Variants in NDEL1 observed in about 807,000 individuals in gnomAD.
NDEL1 encodes nuclear distribution protein nudE-like 1.
NDEL1 carries 9 observed loss-of-function variants against 45.7 expected under a neutral mutation model. The ratio of observed to expected loss-of-function variants is 0.20; its 90% CI spans 0.12 to 0.34. The LOEUF (loss-of-function observed/expected upper bound fraction) is 0.34, where lower values mean the gene tolerates loss of function less well. Ranked by LOEUF, NDEL1 falls within the 10% of genes least tolerant of loss-of-function variation. The pLI is 1.00. For missense variants in NDEL1, 306 were observed against 406.2 expected (o/e 0.75, Z 2.12); for synonymous variants, 133 against 158.6 (o/e 0.84, Z 1.21).
intron 7 of NDEL1, among the ~76,000 whole-genome samples, chr17:8,455,161 A>G (rs755616289): frequency 6.6e-6 from 1 of 152,180 alleles, no homozygotes. Context: ...GTCCTTGTCT[A>G]GAATACTTTG....
At chr17:8,442,986 A>G (rs1340608507) in intron 1 of NDEL1, among the ~76,000 whole-genome samples, 1 of 151,434 alleles carries the variant, frequency 6.6e-6, no homozygotes, top group Non-Finnish European at 1.5e-5. Flanking sequence ...TCACCGTGTT[A>G]GCCAGGATGG....
rs183526479 is a variant in NDEL1 at position 8,451,742 on chromosome 17, G to T, written c.700+789G>T. ...GAGATTTGTTTAGATTTTGCAGCTC[G>T]TAGTTCATATTTCTGCTACTCTCAT... On this transcript the variant is annotated intron_variant, in intron 6 of 8. Transcript: ENST00000334527. 4.0e-5 allele frequency among the ~76,000 whole-genome samples: 6 copies of T among 151,846 alleles called. No homozygotes were observed. The East Asian group carries it at 1.2e-3, about 29-fold the overall frequency.
At chr17:8,453,258 T>C (rs895773720) in intron 6 of NDEL1, among the ~76,000 whole-genome samples, 2 of 152,126 alleles carry the variant, frequency 1.3e-5, no homozygotes, top group African/African-American at 4.8e-5. Context: ...CTACCTTCAA[T>C]GAGATTATAT....
intron 1 of NDEL1, among the ~76,000 whole-genome samples, chr17:8,438,858 A>G (rs1164581406): frequency 2.0e-5 from 3 of 151,850 alleles, no homozygotes; most frequent in African/African-American, 7.3e-5. Flanking sequence ...GGGTAAAAGT[A>G]GGGCAATAGA....
chr17:8,471,253 C>T (rs904918900), downstream of NDEL1, among the ~76,000 whole-genome samples: 3 of 152,208 alleles, frequency 2.0e-5, no homozygotes, highest in South Asian at 2.1e-4. Flanking sequence ...GAGGTTCAAG[C>T]GATTCTCCTG....
chr17:8,471,184 C>T (rs1184866982), downstream of NDEL1, among the ~76,000 whole-genome samples: 1 of 152,188 alleles, frequency 6.6e-6, no homozygotes, highest in African/African-American at 2.4e-5. Context: ...GATTTTCGCT[C>T]TTGTTGCCCA....
intron 7 of NDEL1, among the ~76,000 whole-genome samples, chr17:8,459,707 A>G (rs931002849): frequency 2.0e-5 from 3 of 152,222 alleles, no homozygotes; most frequent in Non-Finnish European, 2.9e-5. Context: ...GATAGGGTCA[A>G]GAGACCTGGG....
At chr17:8,435,554 A>G (rs1909227597), upstream of NDEL1, among the ~76,000 whole-genome samples, 1 of 152,262 alleles carries the variant, frequency 6.6e-6, no homozygotes, top group South Asian at 2.1e-4. Context: ...GATTCATTTT[A>G]TAAACGGGAA....
At chr17:8,451,686 A>C (rs1191830449) in intron 6 of NDEL1, among the ~76,000 whole-genome samples, 1 of 152,132 alleles carries the variant, frequency 6.6e-6, no homozygotes, top group Non-Finnish European at 1.5e-5. Context: ...ACTAGATAGA[A>C]CCTTAAAATG....
upstream of NDEL1, among the ~76,000 whole-genome samples, chr17:8,432,318 T>TATATAAATATATA (rs1491329750): frequency 1.8e-5 from 1 of 55,558 alleles, no homozygotes; most frequent in South Asian, 6.0e-4. Context: ...TATATATATA[T>TATATAAATATATA]TTATATATAA....
intron 7 of NDEL1, among the ~76,000 whole-genome samples, chr17:8,457,147 C>G (rs538328828): frequency 6.6e-6 from 1 of 152,216 alleles, no homozygotes; most frequent in Admixed American, 6.5e-5. Flanking sequence ...CCTAGCATTT[C>G]TGTTTCCCCT....
intron 3 of NDEL1, 39 bp downstream of exon 3, chr17:8,445,903 G>GT (rs1910051489): frequency 7.2e-7 from 1 of 1,380,030 alleles, no homozygotes; most frequent in Non-Finnish European, 9.5e-7. Context: ...AATGTGTTGA[G>GT]TTTTATTAAA....
intron 1 of NDEL1, among the ~76,000 whole-genome samples, chr17:8,440,799 A>G (rs535270531): frequency 7.5e-4 from 114 of 152,322 alleles, no homozygotes; most frequent in African/African-American, 2.6e-3. Flanking sequence ...AGGGATTACT[A>G]CTTAACTAGG....
downstream of NDEL1, among the ~76,000 whole-genome samples, chr17:8,471,534 C>T (rs975527283): frequency 3.9e-5 from 6 of 152,166 alleles, no homozygotes; most frequent in African/African-American, 1.4e-4. Context: ...CCCAGTTTGT[C>T]GGTTATGTCA....
In NDEL1 at chr17:8,460,096, G is replaced by A. The variant is rs1452469116; in HGVS notation, c.880G>A (p.Gly294Arg). ...KSYISGNVNC[G>R]VLNGNGTKFS... ...CTATATTTCAGGGAATGTTAACTGT[G>A]GGGTGCTGAATGGCAATGGCACAAA... Residue 294 changes from glycine (G) to arginine (R), a missense_variant, in exon 8 of 9, where the codon GGG becomes AGG. By Grantham distance (125) the Gly-to-Arg change is moderately radical (BLOSUM62 -2). This residue lies in a region of NDEL1 where 175 missense variants were observed against 205.2 expected (regional missense o/e 0.85). Coordinates refer to ENST00000334527, the MANE Select transcript of NDEL1 (RefSeq NM_030808.5). 1.9e-6 allele frequency: 3 copies of A among 1,614,136 alleles called. No individual in the cohort carries two copies. Among genetic ancestry groups the A allele is most frequent in the Non-Finnish European group, 2.5e-6 (3 of 1,180,030 alleles).
intron 5 of NDEL1, among the ~76,000 whole-genome samples, chr17:8,450,069 G>A (rs1910374750): frequency 6.6e-6 from 1 of 152,072 alleles, no homozygotes; most frequent in South Asian, 2.1e-4. Flanking sequence ...GATCATTTGA[G>A]GTTAGGAGTT....
intron 1 of NDEL1, among the ~76,000 whole-genome samples, chr17:8,418,705 CTT>C (rs972224750): frequency 3.4e-5 from 5 of 147,200 alleles, no homozygotes; most frequent in African/African-American, 5.0e-5. Context: ...TTTCTCTTTT[CTT>C]TCTCTCTCTC....
intron 1 of NDEL1, among the ~76,000 whole-genome samples, chr17:8,429,030 G>T (rs1182071250): frequency 2.6e-5 from 4 of 152,192 alleles, no homozygotes; most frequent in Non-Finnish European, 5.9e-5. Flanking sequence ...CAAAAGCAAA[G>T]GATATTGCAT....
chr17:8,458,697 A>G (rs951459604), intron 7 of NDEL1, among the ~76,000 whole-genome samples: 2 of 152,022 alleles, frequency 1.3e-5, no homozygotes, highest in African/African-American at 4.8e-5. Flanking sequence ...CATAGGAAAG[A>G]AGGAGAAGAA....
Sources: gnomAD v4.1 joint callset for allele counts (sites outside exome capture counted in the v4.1 genomes callset) on GRCh38, gnomAD v4.1.1 for gene constraint, gnomAD v4.1.1 regional missense constraint, MANE v1.5 for transcripts, NCBI Gene and HGNC (gene_info 2026-07-23, HGNC 2026-07-21) for gene names.